Variants in CAMTA1 observed in about 807,000 individuals in gnomAD.
CAMTA1 encodes calmodulin binding transcription activator 1, also known as calmodulin-binding transcription activator 1.
CAMTA1 carries 27 observed loss-of-function variants against 170.9 expected under a neutral mutation model. That is an observed-to-expected ratio of 0.16 (90% CI 0.12 to 0.22). The LOEUF is 0.22. CAMTA1 is among the 10% of genes least tolerant of loss of function. The pLI is 1.00. For missense variants in CAMTA1, 1,619 were observed against 2,217.2 expected, an observed-to-expected ratio of 0.73 and a Z score of 5.42; for synonymous variants, 833 against 891.5, an observed-to-expected ratio of 0.93 and a Z score of 1.17.
intron 3 of CAMTA1, among the ~76,000 whole-genome samples, chr1:7,036,882 T>A (rs1316231195): frequency 6.6e-6 from 1 of 152,148 alleles, no homozygotes; most frequent in African/African-American, 2.4e-5. Context: ...TTTGCAGAGG[T>A]CTCTCTTCGT....
chr1:7,548,556 G>A lies in CAMTA1; in HGVS notation c.510+80655G>A, dbSNP rs185226867. On this transcript the variant is annotated intron_variant, in intron 6 of 22. Coordinates refer to ENST00000303635, the MANE Select transcript of CAMTA1 (RefSeq NM_015215.4). ...AGGGGTGGAGGTGCCCGTGCAGGGT[G>A]CCCCTTAGGGGTGGAGGTGCTGGTG... Among the ~76,000 whole-genome samples the A allele has an allele frequency of 7.4e-4, 110 of 148,368 alleles. 1 individual carries two copies. The highest frequency in any genetic ancestry group is 2.6e-3 in the African/African-American group (103 of 39,962).
At chr1:7,544,362 A>G (rs920703114) in intron 6 of CAMTA1, among the ~76,000 whole-genome samples, 11 of 152,210 alleles carry the variant, frequency 7.2e-5, no homozygotes, top group Non-Finnish European at 1.5e-4. Context: ...TGTGGGAATT[A>G]TGAGAGTACA....
At chr1:7,730,928 CTATA>C (rs148508017) in intron 11 of CAMTA1, among the ~76,000 whole-genome samples, 19,836 of 113,996 alleles carry the variant, frequency 0.17, 1,696 homozygotes, top group Non-Finnish European at 0.23. Context: ...CTCTCTCTCT[CTATA>C]TATATATATA....
intron 3 of CAMTA1, among the ~76,000 whole-genome samples, chr1:7,088,893 G>A (rs1553241352): frequency 6.6e-6 from 1 of 152,224 alleles, no homozygotes; most frequent in Non-Finnish European, 1.5e-5. Flanking sequence ...GCCGCAGTGT[G>A]CTCTGGTTTT....
chr1:6,968,776 G>T (rs1333383928), intron 3 of CAMTA1, among the ~76,000 whole-genome samples: 1 of 152,038 alleles, frequency 6.6e-6, no homozygotes, highest in Non-Finnish European at 1.5e-5. Flanking sequence ...TGGAGGTGGG[G>T]GCTTGGGGGA....
chr1:7,406,785 G>A (rs921167017), intron 5 of CAMTA1, among the ~76,000 whole-genome samples: 3 of 152,152 alleles, frequency 2.0e-5, no homozygotes, highest in Non-Finnish European at 4.4e-5. Context: ...CACTCCCCAG[G>A]TGGCCCACTG....
chr1:7,661,926 G>A lies in CAMTA1; in HGVS notation c.805+60G>A, dbSNP rs1030105197. 14 of 1,535,366 alleles carry A rather than the reference G, an allele frequency of 9.1e-6. No homozygotes were observed. In the African/African-American group the frequency reaches 1.6e-4, roughly 18 times the overall value. On this transcript the variant is annotated intron_variant, in intron 8 of 22. Transcript: ENST00000303635. ...GGGGACAGAGGGGCCCTACCAGGCAGCCGTCATGGCTGTCCTCTGTGGGAG... is the reference window on the plus strand; with the variant it reads ...GGGGACAGAGGGGCCCTACCAGGCAACCGTCATGGCTGTCCTCTGTGGGAG...
intron 4 of CAMTA1, among the ~76,000 whole-genome samples, chr1:7,102,264 G>T (rs1642833771): frequency 6.6e-6 from 1 of 152,106 alleles, no homozygotes; most frequent in Non-Finnish European, 1.5e-5. Flanking sequence ...TTAGTTTGAG[G>T]TGACTCTGGT....
At chr1:7,355,336 A>G (rs1196862501) in intron 5 of CAMTA1, among the ~76,000 whole-genome samples, 3 of 151,238 alleles carry the variant, frequency 2.0e-5, no homozygotes. Context: ...AGTGAGTTGT[A>G]ATGGTGCCAC....
At chr1:7,733,681 C>T (rs1430493380) in intron 12 of CAMTA1, among the ~76,000 whole-genome samples, 4 of 152,032 alleles carry the variant, frequency 2.6e-5, no homozygotes, top group Non-Finnish European at 5.9e-5. Context: ...CAAAAAAAAC[C>T]TCAAATAATG....
intron 11 of CAMTA1, among the ~76,000 whole-genome samples, chr1:7,715,211 G>T (rs570627570): frequency 6.6e-6 from 1 of 152,254 alleles, no homozygotes; most frequent in South Asian, 2.1e-4. Flanking sequence ...ATCAGGAAAA[G>T]GGGGGAAGAG....
intron 11 of CAMTA1, among the ~76,000 whole-genome samples, chr1:7,707,020 G>T (rs1474195459): frequency 2.0e-5 from 3 of 151,530 alleles, no homozygotes; most frequent in African/African-American, 7.3e-5. Flanking sequence ...CCGAGTAGCT[G>T]GGACTACAGG....
intron 6 of CAMTA1, among the ~76,000 whole-genome samples, chr1:7,604,160 G>A (rs11585074): frequency 6.6e-6 from 1 of 152,162 alleles, no homozygotes; most frequent in East Asian, 1.9e-4. Context: ...AATTATGTGT[G>A]TTGGAGTTGC....
intron 3 of CAMTA1, among the ~76,000 whole-genome samples, chr1:7,029,704 G>T (rs1036014247): frequency 9.2e-5 from 14 of 151,842 alleles, no homozygotes; most frequent in African/African-American, 2.4e-5. Context: ...ACTCCTAAAA[G>T]TTATTGAGGA....
chr1:7,275,265 AG>A (rs1393811519), intron 5 of CAMTA1, among the ~76,000 whole-genome samples: 2 of 152,010 alleles, frequency 1.3e-5, no homozygotes, highest in Admixed American at 1.3e-4. Context: ...TATAGTTTGA[AG>A]TGCTTACACT....
At chr1:6,982,564 G>A (rs1013787731) in intron 3 of CAMTA1, among the ~76,000 whole-genome samples, 7 of 152,230 alleles carry the variant, frequency 4.6e-5, no homozygotes, top group East Asian at 1.9e-4. Flanking sequence ...TTTCACCCTC[G>A]GGAGGCCCTT....
intron 11 of CAMTA1, among the ~76,000 whole-genome samples, chr1:7,713,911 G>C (rs1462977009): frequency 6.6e-6 from 1 of 152,166 alleles, no homozygotes; most frequent in Non-Finnish European, 1.5e-5. Flanking sequence ...TTTCATATCA[G>C]CATAGGGGAT....
chr1:6,788,098 C>T (rs545529388), intron 1 of CAMTA1, among the ~76,000 whole-genome samples: 1 of 152,150 alleles, frequency 6.6e-6, no homozygotes, highest in Non-Finnish European at 1.5e-5. Context: ...GTTCTTTTCT[C>T]TTGGACAGGG....
At chr1:7,601,533 C>T (rs1490583762) in intron 6 of CAMTA1, among the ~76,000 whole-genome samples, 4 of 152,158 alleles carry the variant, frequency 2.6e-5, no homozygotes, top group Non-Finnish European at 5.9e-5. Context: ...ACTTCCCAGA[C>T]AGGGTGGCGG....
Sources: gnomAD v4.1 joint callset for allele counts (sites outside exome capture counted in the v4.1 genomes callset) on GRCh38, gnomAD v4.1.1 for gene constraint, MANE v1.5 for transcripts, NCBI Gene and HGNC (gene_info 2026-07-23, HGNC 2026-07-21) for gene names.